Variants in CCSER1 observed in about 807,000 individuals in gnomAD.
CCSER1 encodes the protein coiled-coil serine rich protein 1, also known as serine-rich coiled-coil domain-containing protein 1.
In CCSER1, 41 loss-of-function variants were observed where a neutral mutation model predicts 82.0. The ratio of observed to expected loss-of-function variants is 0.50; its 90% confidence interval spans 0.39 to 0.65. CCSER1 has a LOEUF of 0.65. Ranked by LOEUF, CCSER1 falls within the 30% of genes least tolerant of loss-of-function variation. The pLI, the probability that CCSER1 is intolerant of heterozygous loss-of-function variation, is 0.00. For missense variants in CCSER1, 1,119 were observed against 1,064.2 expected, an observed-to-expected ratio of 1.05 and a Z score of -0.72; for synonymous variants, 414 against 383.9, an observed-to-expected ratio of 1.08 and a Z score of -0.92.
chr4:90,951,428 G>C (rs540787899), intron 9 of CCSER1: 1 of 152,174 alleles, frequency 6.6e-6, no homozygotes, highest in South Asian at 2.1e-4. Flanking sequence ...GAGAATGTGT[G>C]AAAAAGTAAG....
chr4:90,130,128 C>T (rs948960465), intron 1 of CCSER1, among the ~76,000 whole-genome samples: 28 of 151,978 alleles, frequency 1.8e-4, no homozygotes, highest in Admixed American at 1.2e-3. Flanking sequence ...GTTATTCAAC[C>T]CTTTATTGCA....
intron 10 of CCSER1, among the ~76,000 whole-genome samples, chr4:91,462,017 A>G (rs1244497442): frequency 2.0e-5 from 3 of 152,166 alleles, no homozygotes; most frequent in Admixed American, 6.5e-5. Flanking sequence ...CCAGGGACCT[A>G]TTGCTGCTCA....
intron 6 of CCSER1, among the ~76,000 whole-genome samples, chr4:90,715,444 T>G (rs1420893463): frequency 5.3e-5 from 8 of 152,002 alleles, no homozygotes; most frequent in Admixed American, 3.9e-4. Flanking sequence ...GATTTAGCTT[T>G]CAGTTAGTGA....
chr4:90,161,930 C>T (rs546566848), intron 1 of CCSER1, among the ~76,000 whole-genome samples: 41 of 151,952 alleles, frequency 2.7e-4, no homozygotes, highest in Non-Finnish European at 5.6e-4. Flanking sequence ...AAAGTGCTAC[C>T]TTTTGTAAAA....
chr4:91,409,831 T>C (rs1922220), intron 10 of CCSER1, among the ~76,000 whole-genome samples: 117,341 of 152,080 alleles, frequency 0.77, 45,856 homozygotes, highest in African/African-American at 0.9. Flanking sequence ...CACAGGCGCC[T>C]GCCACCATGA....
intron 10 of CCSER1, among the ~76,000 whole-genome samples, chr4:91,140,917 T>C (rs188748935): frequency 3.3e-4 from 51 of 152,240 alleles, no homozygotes; most frequent in African/African-American, 1.1e-3. Context: ...ACCCAAGTAG[T>C]GAGAAGAGCA....
At chr4:90,787,725 A>T (rs1377488532) in intron 7 of CCSER1, among the ~76,000 whole-genome samples, 2 of 152,180 alleles carry the variant, frequency 1.3e-5, no homozygotes, top group African/African-American at 4.8e-5. Flanking sequence ...GTCTCCATGA[A>T]CTTCATCATG....
chr4:91,140,503 CT>C (rs1281572801), intron 10 of CCSER1, among the ~76,000 whole-genome samples: 1 of 151,988 alleles, frequency 6.6e-6, no homozygotes, highest in African/African-American at 2.4e-5. Context: ...TTACATTCTT[CT>C]TTTCTGAGTC....
At chr4:91,014,737 G>T (rs1739280050) in intron 9 of CCSER1, among the ~76,000 whole-genome samples, 1 of 152,096 alleles carries the variant, frequency 6.6e-6, no homozygotes, top group African/African-American at 2.4e-5. Context: ...TTAAATGAGA[G>T]ATTATTAAGA....
intron 1 of CCSER1, among the ~76,000 whole-genome samples, chr4:90,153,706 A>G (rs923484701): frequency 3.9e-5 from 6 of 152,092 alleles, no homozygotes; most frequent in African/African-American, 1.4e-4. Context: ...GTCTGTTCAT[A>G]TCCTTCACCC....
chr4:90,438,095 G>A (rs1560517372), intron 4 of CCSER1, among the ~76,000 whole-genome samples: 1 of 152,016 alleles, frequency 6.6e-6, no homozygotes, highest in Non-Finnish European at 1.5e-5. Context: ...CATTGAAAAA[G>A]CTTATTGCTA....
chr4:90,654,891 A>G (rs17017364), intron 6 of CCSER1, among the ~76,000 whole-genome samples: 18,031 of 152,068 alleles, frequency 0.12, 1,190 homozygotes, highest in East Asian at 0.18. Flanking sequence ...GGAGGAAAAG[A>G]AATAAGATTG....
At chr4:90,150,464 G>A (rs1242497879) in intron 1 of CCSER1, among the ~76,000 whole-genome samples, 2 of 152,112 alleles carry the variant, frequency 1.3e-5, no homozygotes, top group African/African-American at 4.8e-5. Context: ...GCTGCTTTAA[G>A]TATAAGAGAT....
intron 9 of CCSER1, among the ~76,000 whole-genome samples, chr4:90,993,398 G>A (rs1451843340): frequency 6.6e-6 from 1 of 151,706 alleles, no homozygotes; most frequent in Non-Finnish European, 1.5e-5. Flanking sequence ...AGCTATAATG[G>A]ATAACTAATG....
intron 3 of CCSER1, among the ~76,000 whole-genome samples, chr4:90,340,690 AGC>A (rs1209745406): frequency 1.2e-4 from 18 of 152,154 alleles, no homozygotes; most frequent in African/African-American, 4.1e-4. Flanking sequence ...GGCAATTTCT[AGC>A]AATTTAATAG....
chr4:90,144,815 T>C (rs996415567), intron 1 of CCSER1, among the ~76,000 whole-genome samples: 3 of 152,162 alleles, frequency 2.0e-5, no homozygotes, highest in African/African-American at 7.2e-5. Context: ...CTTAGGTTCC[T>C]CTTTGTGAGT....
intron 1 of CCSER1, among the ~76,000 whole-genome samples, chr4:90,181,513 G>T (rs1362064353): frequency 6.6e-6 from 1 of 151,930 alleles, no homozygotes; most frequent in East Asian, 1.9e-4. Context: ...GACAATGGAA[G>T]GAAAGGGGTA....
intron 10 of CCSER1, among the ~76,000 whole-genome samples, chr4:91,217,218 T>C (rs556316834): frequency 7.2e-5 from 11 of 152,238 alleles, no homozygotes; most frequent in African/African-American, 2.4e-4. Context: ...TTCCACAGTG[T>C]GGAAAGGGAC....
In CCSER1 at chr4:91,602,531, G is replaced by A. The variant is rs1039892193; in HGVS notation, c.*3474G>A. ...TTAGGATTATCTCTGCACATCATTC[G>A]TCATCATCAGCTTCTCATTATAAAG... is the stretch of plus-strand genomic sequence containing the variant. On this transcript the variant is annotated 3_prime_UTR_variant, in exon 11 of 11. Coordinates refer to ENST00000509176, the MANE Select transcript of CCSER1 (RefSeq NM_001145065.2). Among the ~76,000 whole-genome samples the A allele has an allele frequency of 7.9e-5, 12 of 151,938 alleles. No individual in the cohort carries two copies. Among genetic ancestry groups the A allele is most frequent in the Admixed American group, 5.3e-4 (8 of 15,224 alleles).
Sources: gnomAD v4.1 joint callset for allele counts (sites outside exome capture counted in the v4.1 genomes callset) on GRCh38, gnomAD v4.1.1 for gene constraint, MANE v1.5 for transcripts, NCBI Gene and HGNC (gene_info 2026-07-23, HGNC 2026-07-21) for gene names.